FAM135A: variants seen among roughly 807,000 people sequenced by gnomAD.
FAM135A encodes the protein family with sequence similarity 135 member A, also known as protein FAM135A.
Under a neutral mutation model 146.8 loss-of-function variants are expected in FAM135A, and 79 were observed. The observed-to-expected ratio is 0.54, with a 90% CI of 0.45 to 0.65. The LOEUF is 0.65. Among genes scored for constraint, FAM135A ranks in the 30% least tolerant of loss-of-function variants. The pLI is 0.00. For synonymous variants in FAM135A, 562 were observed against 603.6 expected, an observed-to-expected ratio of 0.93 and a Z score of 1.01; for missense variants, 1,623 against 1,758.2, an observed-to-expected ratio of 0.92 and a Z score of 1.38.
At chr6:70,483,426 T>C (rs1784088368) in intron 10 of FAM135A, among the ~76,000 whole-genome samples, 1 of 152,192 alleles carries the variant, frequency 6.6e-6, no homozygotes, top group Non-Finnish European at 1.5e-5. Context: ...AAAGACAATC[T>C]TCTGATCATT....
chr6:70,430,137 G>A (rs1280306001), intron 4 of FAM135A, among the ~76,000 whole-genome samples: 1 of 152,086 alleles, frequency 6.6e-6, no homozygotes, highest in Non-Finnish European at 1.5e-5. Context: ...AGGAGTTCGA[G>A]ACCAGCCTGG....
chr6:70,539,519 C>G (rs186880818), intron 20 of FAM135A, among the ~76,000 whole-genome samples: 27 of 152,250 alleles, frequency 1.8e-4, no homozygotes, highest in African/African-American at 5.3e-4. Flanking sequence ...AAGCTCAGTT[C>G]GTCGTTTACT....
intron 5 of FAM135A, among the ~76,000 whole-genome samples, chr6:70,474,840 A>T (rs1314833204): frequency 6.6e-6 from 1 of 152,126 alleles, no homozygotes; most frequent in Non-Finnish European, 1.5e-5. Flanking sequence ...GTCTTTAGCT[A>T]TTCTCCCCTC....
At chr6:70,539,205 C>T (rs1397429320) in intron 20 of FAM135A, among the ~76,000 whole-genome samples, 3 of 152,092 alleles carry the variant, frequency 2.0e-5, no homozygotes, top group Admixed American at 6.6e-5. Flanking sequence ...CCGCTTACTT[C>T]TGAAAGTGGA....
intron 12 of FAM135A, among the ~76,000 whole-genome samples, chr6:70,521,487 C>G (rs893658721): frequency 6.6e-5 from 10 of 152,190 alleles, no homozygotes; most frequent in African/African-American, 2.4e-4. Flanking sequence ...TCTTTTCCCA[C>G]TTCCCTCATT....
In FAM135A at chr6:70,528,333, C is replaced by T; in HGVS notation, c.3656C>T (p.Pro1219Leu). The stretch of plus-strand genomic sequence containing the variant: ...GAAGAACTGAAGCTACTAAAACTTC[C>T]TGGGTTCATGTACAGTGAAGTTCCT... ...AKEELKLLKL[P>L]GFMYSEVPLL... Residue 1219 changes from proline (P) to leucine (L), a missense_variant, in exon 16 of 22, where the codon CCT becomes CTT. Physicochemically the swap from Pro to Leu is moderately conservative, Grantham distance 98 (BLOSUM62 -3). Around this residue, in one of 7 missense-constraint regions of FAM135A, gnomAD observed 1,061 missense variants for 1,113.8 expected, o/e 0.95. Transcript: ENST00000418814. 6.2e-7 allele frequency: 1 copy of T among 1,612,130 alleles called. No homozygotes were observed. The highest frequency in any genetic ancestry group is 8.5e-7 in the Non-Finnish European group (1 of 1,179,416).
At chr6:70,488,394 G>A (rs1785142430) in intron 10 of FAM135A, among the ~76,000 whole-genome samples, 2 of 151,802 alleles carry the variant, frequency 1.3e-5, no homozygotes, top group Middle Eastern at 3.4e-3. Context: ...ACTCATATGT[G>A]TATATGTATA....
At chr6:70,545,602 C>T (rs1798714031) in intron 20 of FAM135A, among the ~76,000 whole-genome samples, 1 of 152,124 alleles carries the variant, frequency 6.6e-6, no homozygotes, top group African/African-American at 2.4e-5. Flanking sequence ...GGCAACAGAG[C>T]AAGACTCCAT....
At chr6:70,420,040 C>G (rs1448668498) in intron 2 of FAM135A, among the ~76,000 whole-genome samples, 1 of 152,112 alleles carries the variant, frequency 6.6e-6, no homozygotes, top group East Asian at 1.9e-4. Flanking sequence ...TTCAGACTAT[C>G]AGTATTTTGG....
intron 16 of FAM135A, among the ~76,000 whole-genome samples, chr6:70,532,864 G>A (rs909448789): frequency 2.6e-5 from 4 of 152,112 alleles, no homozygotes; most frequent in East Asian, 1.9e-4. Flanking sequence ...CCCAGGAGGC[G>A]GAGGTTGCAG....
chr6:70,533,316 C>T, intron 17 of FAM135A, 65 bp downstream of exon 17: 1 of 1,272,206 alleles, frequency 7.9e-7, no homozygotes, highest in South Asian at 1.3e-5. Flanking sequence ...CTAAATTTTG[C>T]CTTACTACAA....
chr6:70,450,088 C>CATTTT (rs1487195875), intron 4 of FAM135A, among the ~76,000 whole-genome samples: 6 of 152,054 alleles, frequency 3.9e-5, no homozygotes, highest in Non-Finnish European at 8.8e-5. Context: ...GCACTTTGCC[C>CATTTT]ATTTTTTAAT....
chr6:70,445,985 A>G (rs1436774317), intron 4 of FAM135A, among the ~76,000 whole-genome samples: 1 of 152,252 alleles, frequency 6.6e-6, no homozygotes, highest in Non-Finnish European at 1.5e-5. Context: ...CAAACAACAC[A>G]GATTAAAAGC....
chr6:70,481,912 G>GTTAA (rs1783774952), intron 9 of FAM135A, 89 bp from the exon 10 acceptor site: 9 of 1,272,384 alleles, frequency 7.1e-6, no homozygotes, highest in Non-Finnish European at 2.1e-6. Context: ...TTGACAGATG[G>GTTAA]TTAAGTATTT....
chr6:70,446,928 T>C (rs1398318931), intron 4 of FAM135A, among the ~76,000 whole-genome samples: 4 of 152,268 alleles, frequency 2.6e-5, no homozygotes, highest in African/African-American at 9.6e-5. Flanking sequence ...TGCTCCGCAC[T>C]GTTGTAATAA....
chr6:70,512,636 T>A (rs1241458950), intron 12 of FAM135A, among the ~76,000 whole-genome samples: 1 of 151,726 alleles, frequency 6.6e-6, no homozygotes, highest in East Asian at 1.9e-4. Context: ...TGACTTTAGT[T>A]TTGTAAAATG....
chr6:70,451,303 A>G (rs890635493), intron 4 of FAM135A, among the ~76,000 whole-genome samples: 1 of 152,202 alleles, frequency 6.6e-6, no homozygotes, highest in Non-Finnish European at 1.5e-5. Context: ...ACTGTTTAGT[A>G]TTAATTTGCT....
In FAM135A at chr6:70,475,392, A is replaced by G. The variant is rs754755091; in HGVS notation, c.158-18A>G. On this transcript the variant is annotated intron_variant, in intron 5 of 21. Transcript: ENST00000418814. Reference sequence around the variant, plus strand: ...TATTTTACTTTTATCTGTCAATTACATATCTTATCTGTTTTAGGTATGACT... The same window carrying G: ...TATTTTACTTTTATCTGTCAATTACGTATCTTATCTGTTTTAGGTATGACT... The G allele has an allele frequency of 1.8e-5, 28 of 1,543,432 alleles. 1 individual carries two copies. The African/African-American group carries it at 2.2e-4, about 12-fold the overall frequency.
At chr6:70,450,931 T>TG (rs1307391808) in intron 4 of FAM135A, among the ~76,000 whole-genome samples, 3 of 151,472 alleles carry the variant, frequency 2.0e-5, no homozygotes, top group African/African-American at 7.3e-5. Flanking sequence ...TTAGTAGAGA[T>TG]GGGGTTTCAC....
Sources: gnomAD v4.1 joint callset for allele counts (sites outside exome capture counted in the v4.1 genomes callset) on GRCh38, gnomAD v4.1.1 for gene constraint, gnomAD v4.1.1 regional missense constraint, MANE v1.5 for transcripts, NCBI Gene and HGNC (gene_info 2026-07-23, HGNC 2026-07-21) for gene names.